DDX10: variants seen among roughly 807,000 people sequenced by gnomAD.
DDX10 encodes DEAD-box helicase 10.
DDX10 carries 74 observed loss-of-function variants against 104.3 expected under a neutral mutation model. The ratio of observed to expected loss-of-function variants is 0.71; its 90% confidence interval spans 0.59 to 0.86. The LOEUF (loss-of-function observed/expected upper bound fraction) is 0.86. Among genes scored for constraint, DDX10 ranks in the 40% least tolerant of loss-of-function variants. The pLI, the probability that DDX10 is intolerant of heterozygous loss-of-function variation, is 0.00. For missense variants in DDX10, 952 were observed against 1,040.0 expected, an observed-to-expected ratio of 0.92 and a Z score of 1.16; for synonymous variants, 351 against 353.4, an observed-to-expected ratio of 0.99 and a Z score of 0.08.
intron 13 of DDX10, among the ~76,000 whole-genome samples, chr11:108,819,355 T>A (rs1862294884): frequency 6.6e-6 from 1 of 152,218 alleles, no homozygotes; most frequent in South Asian, 2.1e-4. Context: ...AGTACCAGCA[T>A]AGCCCTCTTG....
chr11:108,914,835 T>TAAA (rs10624451), intron 16 of DDX10, among the ~76,000 whole-genome samples: 6,280 of 144,166 alleles, frequency 0.044, 174 homozygotes, highest in South Asian at 0.09. Context: ...TGGTAACCAT[T>TAAA]AAAAAAAAAA....
intron 16 of DDX10, among the ~76,000 whole-genome samples, chr11:108,878,272 G>A (rs1853868106): frequency 6.6e-6 from 1 of 152,144 alleles, no homozygotes; most frequent in Admixed American, 6.6e-5. Flanking sequence ...GGAAGAAAAG[G>A]CAACTCAGCT....
chr11:108,702,032 A>G (rs2094269054), intron 9 of DDX10, among the ~76,000 whole-genome samples: 1 of 152,076 alleles, frequency 6.6e-6, no homozygotes, highest in African/African-American at 2.4e-5. Flanking sequence ...TCACTCACCA[A>G]ATATTTGTTG....
chr11:108,809,020 C>CTT (rs916106072), intron 13 of DDX10, among the ~76,000 whole-genome samples: 6 of 147,596 alleles, frequency 4.1e-5, no homozygotes, highest in East Asian at 2.0e-4. Context: ...TGGAAAATAA[C>CTT]TTTTTTTTTT....
chr11:108,749,334 A>G (rs2094335670), intron 13 of DDX10, among the ~76,000 whole-genome samples: 1 of 152,150 alleles, frequency 6.6e-6, no homozygotes, highest in South Asian at 2.1e-4. Context: ...ATAGATGTTT[A>G]TACTGTTATT....
chr11:108,831,356 A>G (rs1862467620), intron 13 of DDX10, among the ~76,000 whole-genome samples: 1 of 145,388 alleles, frequency 6.9e-6, no homozygotes, highest in African/African-American at 2.5e-5. Flanking sequence ...GTGAGCTGAG[A>G]TCGAGCCACT....
intron 13 of DDX10, among the ~76,000 whole-genome samples, chr11:108,735,583 C>G (rs1324784772): frequency 6.6e-6 from 1 of 151,928 alleles, no homozygotes; most frequent in Non-Finnish European, 1.5e-5. Context: ...TATTGTTCCT[C>G]CTCCCCCATA....
rs557856866 is a variant in DDX10 at position 108,774,670 on chromosome 11, T to C, written c.1965+51208T>C. 4.6e-4 allele frequency among the ~76,000 whole-genome samples: 70 copies of C among 152,326 alleles called. 1 individual carries two copies. The highest frequency in any genetic ancestry group is 6.8e-3 in the Middle Eastern group (2 of 294). On this transcript the variant is annotated intron_variant, in intron 13 of 17. Coordinates refer to ENST00000322536, the MANE Select transcript of DDX10 (RefSeq NM_004398.4). The stretch of plus-strand genomic sequence containing the variant: ...AAAAGGGATAAAAACCTTTTAACCC[T>C]ATAGTCTTTCTTATGCTGTATTCTG...
At chr11:108,737,372 T>C (rs1250678799) in intron 13 of DDX10, among the ~76,000 whole-genome samples, 5 of 152,246 alleles carry the variant, frequency 3.3e-5, no homozygotes, top group African/African-American at 1.2e-4. Flanking sequence ...TTTATTCTTT[T>C]AGCTTGCCTG....
chr11:108,677,336 A>G, intron 4 of DDX10, 93 bp downstream of exon 4: 1 of 1,192,428 alleles, frequency 8.4e-7, no homozygotes, highest in African/African-American at 1.5e-5. Flanking sequence ...ACTTCATCTA[A>G]ACAGACTGAC....
chr11:108,821,212 T>C (rs1454046639), intron 13 of DDX10, among the ~76,000 whole-genome samples: 1 of 152,204 alleles, frequency 6.6e-6, no homozygotes, highest in Non-Finnish European at 1.5e-5. Flanking sequence ...AAGTCTCAAG[T>C]ATCTCAAGAT....
chr11:108,682,392 A>C (rs1211313048), intron 6 of DDX10, among the ~76,000 whole-genome samples: 3 of 152,158 alleles, frequency 2.0e-5, no homozygotes, highest in Admixed American at 6.5e-5. Flanking sequence ...GGCCTGAGCC[A>C]TTGTGCCTGG....
chr11:108,806,895 T>C (rs1565284810), intron 13 of DDX10, among the ~76,000 whole-genome samples: 1 of 151,890 alleles, frequency 6.6e-6, no homozygotes. Flanking sequence ...CAAGATGAGG[T>C]TGGAGAGGTA....
chr11:108,731,270 C>G (rs888612576), intron 13 of DDX10, among the ~76,000 whole-genome samples: 10 of 152,132 alleles, frequency 6.6e-5, no homozygotes, highest in Middle Eastern at 3.4e-3. Flanking sequence ...AGGCTGGTCT[C>G]AAACTCCTGA....
intron 13 of DDX10, among the ~76,000 whole-genome samples, chr11:108,747,493 A>G (rs2094333263): frequency 6.6e-6 from 1 of 152,188 alleles, no homozygotes; most frequent in Non-Finnish European, 1.5e-5. Context: ...AGGTGATAGC[A>G]GTGAATGTAA....
chr11:108,860,130 C>G (rs907347000), intron 16 of DDX10, among the ~76,000 whole-genome samples: 2 of 152,036 alleles, frequency 1.3e-5, no homozygotes, highest in African/African-American at 2.4e-5. Context: ...AATTCTCAGC[C>G]TATGGTACAA....
chr11:108,784,397 C>G (rs1002273420), intron 13 of DDX10, among the ~76,000 whole-genome samples: 3 of 151,994 alleles, frequency 2.0e-5, no homozygotes, highest in Admixed American at 6.6e-5. Context: ...CTTTGCCCTC[C>G]TGAACACCCG....
rs139399168 is a variant in DDX10, at chr11:108,803,203, T to C, written c.1966-35243T>C. Among the ~76,000 whole-genome samples the C allele has an allele frequency of 2.0e-4, 30 of 152,332 alleles. No homozygotes were observed. In the East Asian group the frequency reaches 5.6e-3, roughly 28 times the overall value. ...ACTTGATTCAATATTGCAAGCTCTC[T>C]GCTACCTTTCTTACTCGGTCATTTC... On this transcript the variant is annotated intron_variant, in intron 13 of 17. Coordinates refer to ENST00000322536, the MANE Select transcript of DDX10 (RefSeq NM_004398.4).
chr11:108,759,854 A>G (rs1591811188), intron 13 of DDX10, among the ~76,000 whole-genome samples: 1 of 152,022 alleles, frequency 6.6e-6, no homozygotes, highest in Non-Finnish European at 1.5e-5. Flanking sequence ...AGGAATATTT[A>G]GTATTATTAT....
Sources: gnomAD v4.1 joint callset for allele counts (sites outside exome capture counted in the v4.1 genomes callset) on GRCh38, gnomAD v4.1.1 for gene constraint, MANE v1.5 for transcripts, NCBI Gene and HGNC (gene_info 2026-07-23, HGNC 2026-07-21) for gene names.